Variants in CCDC7 observed in about 807,000 individuals in gnomAD.
CCDC7 encodes the protein coiled-coil domain-containing protein 7.
In CCDC7, 183 loss-of-function variants were observed where a neutral mutation model predicts 196.9. The ratio of observed to expected loss-of-function variants is 0.93; its 90% confidence interval spans 0.82 to 1.05. CCDC7 has a LOEUF of 1.05. Among genes scored for constraint, CCDC7 ranks in the 50% least tolerant of loss-of-function variants. The probability of loss-of-function intolerance (pLI) is 0.00; values close to 1 mark genes in which losing one functional copy is unlikely to be tolerated. For missense variants in CCDC7, 1,540 were observed against 1,482.2 expected, an observed-to-expected ratio of 1.04 and a Z score of -0.64; for synonymous variants, 525 against 484.6, an observed-to-expected ratio of 1.08 and a Z score of -1.10.
intron 20 of CCDC7, among the ~76,000 whole-genome samples, chr10:32,650,338 A>C (rs996701756): frequency 1.7e-4 from 26 of 152,216 alleles, no homozygotes; most frequent in African/African-American, 6.3e-4. Flanking sequence ...AGCAATGAGC[A>C]GTAGATAGGC....
At chr10:32,452,209 T>C (rs1301024754) in intron 1 of CCDC7, among the ~76,000 whole-genome samples, 1 of 152,202 alleles carries the variant, frequency 6.6e-6, no homozygotes, top group Non-Finnish European at 1.5e-5. Flanking sequence ...CTGGGATTTA[T>C]TGGGGGTTGT....
At chr10:32,781,546 CA>C (rs1290072210) in intron 29 of CCDC7, among the ~76,000 whole-genome samples, 1 of 152,036 alleles carries the variant, frequency 6.6e-6, no homozygotes, top group Non-Finnish European at 1.5e-5. Flanking sequence ...TTAACAACAA[CA>C]AAAAACCCCA....
At chr10:32,681,738 T>TACACACACACACACACACACAC (rs57829018) in intron 21 of CCDC7, among the ~76,000 whole-genome samples, 21 of 137,630 alleles carry the variant, frequency 1.5e-4, no homozygotes, top group African/African-American at 4.3e-4. Flanking sequence ...TTTATATGTA[T>TACACACACACACACACACACAC]ACACACACAC....
At chr10:32,765,267 A>G (rs2078099225) in intron 28 of CCDC7, among the ~76,000 whole-genome samples, 1 of 151,952 alleles carries the variant, frequency 6.6e-6, no homozygotes, top group South Asian at 2.1e-4. Context: ...AGGAAATAAT[A>G]AGATTTTTTA....
chr10:32,625,863 G>C (rs1480809082), intron 18 of CCDC7, among the ~76,000 whole-genome samples: 2 of 151,978 alleles, frequency 1.3e-5, no homozygotes, highest in Non-Finnish European at 2.9e-5. Context: ...TTAGCATAGT[G>C]TTCTACAGTT....
chr10:32,627,046 T>G (rs2064146911), intron 18 of CCDC7, among the ~76,000 whole-genome samples: 2 of 151,510 alleles, frequency 1.3e-5, no homozygotes, highest in African/African-American at 4.8e-5. Context: ...TTTTTTTTTT[T>G]TGTGGTTCCA....
intron 9 of CCDC7, 48 bp downstream of exon 10, chr10:32,492,045 AAGAC>A (rs768722290): frequency 2.0e-5 from 30 of 1,474,730 alleles, no homozygotes; most frequent in South Asian, 5.9e-5. Context: ...TTTTTAAAAA[AAGAC>A]AGATAAAATT....
At chr10:32,527,265 C>T (rs1425511664) in intron 11 of CCDC7, among the ~76,000 whole-genome samples, 4 of 152,276 alleles carry the variant, frequency 2.6e-5, no homozygotes, top group South Asian at 2.1e-4. Flanking sequence ...CTTTCTCCAC[C>T]CCACATGGCT....
chr10:32,642,089 C>T (rs889275500), intron 20 of CCDC7, among the ~76,000 whole-genome samples: 2 of 152,220 alleles, frequency 1.3e-5, no homozygotes, highest in African/African-American at 4.8e-5. Context: ...AGTTAGGCTA[C>T]TCGGGTCAGG....
rs539290194 is a variant in CCDC7, at chr10:32,818,099, T to C, written c.3181+3646T>C. On this transcript the variant is annotated intron_variant, in intron 31 of 41. Transcript: ENST00000639629. ...TGCTGTATTCAGGAAACCCATCTCA[T>C]GTGCAGAGACACACATAGGCTCAAA... Among the ~76,000 whole-genome samples the C allele has an allele frequency of 5.3e-5, 8 of 152,174 alleles. No homozygotes were observed. In the South Asian group the frequency reaches 6.2e-4, roughly 12 times the overall value.
In CCDC7 at chr10:32,720,431, G is replaced by C. The variant is rs553119452; in HGVS notation, c.2570-6303G>C. 2.0e-5 allele frequency among the ~76,000 whole-genome samples: 3 copies of C among 152,160 alleles called. No individual in the cohort carries two copies. In the East Asian group the frequency reaches 5.8e-4, roughly 29 times the overall value. ...ACACTGGGGCCTGTTGGGGGGTAGGGGGTCAAGGGGAGGGATAGCATTAGG... is the reference window on the plus strand; with the variant it reads ...ACACTGGGGCCTGTTGGGGGGTAGGCGGTCAAGGGGAGGGATAGCATTAGG... On this transcript the variant is annotated intron_variant, in intron 25 of 41. Transcript: ENST00000639629.
chr10:32,730,183 G>A (rs2083720718), intron 28 of CCDC7, among the ~76,000 whole-genome samples: 2 of 151,948 alleles, frequency 1.3e-5, no homozygotes, highest in Admixed American at 6.6e-5. Context: ...CACTGTGTAG[G>A]TTGTCCCCCA....
rs180737361 is a variant in CCDC7, at chr10:32,628,187, C to T, written c.1802-6067C>T. Among the ~76,000 whole-genome samples, 85 of 151,978 alleles carry T rather than the reference C, an allele frequency of 5.6e-4. 1 individual carries two copies. The highest frequency in any genetic ancestry group is 1.9e-3 in the African/African-American group (80 of 41,514). On this transcript the variant is annotated intron_variant, in intron 18 of 41. Coordinates refer to ENST00000639629, the Ensembl canonical transcript of CCDC7. ...AGAGTTTTTCTTACTGACTTAATCT[C>T]GTTACTAATTATTGGTCTGTTCAGA...
intron 16 of CCDC7, among the ~76,000 whole-genome samples, chr10:32,582,139 T>TAC (rs1564727722): frequency 1.7e-4 from 22 of 131,006 alleles, no homozygotes; most frequent in African/African-American, 6.2e-4. Flanking sequence ...TATATATATA[T>TAC]ACTTTTTTTT....
chr10:32,640,118 T>A (rs1242993367), intron 20 of CCDC7, among the ~76,000 whole-genome samples: 1 of 152,194 alleles, frequency 6.6e-6, no homozygotes, highest in African/African-American at 2.4e-5. Context: ...GTCTCGTCGA[T>A]CTGTCTAATG....
chr10:32,836,818 T>G (rs1380198613), intron 33 of CCDC7, among the ~76,000 whole-genome samples: 1 of 152,156 alleles, frequency 6.6e-6, no homozygotes, highest in Admixed American at 6.6e-5. Flanking sequence ...AAGCAGTTAT[T>G]ATAAATAGGT....
intron 21 of CCDC7, among the ~76,000 whole-genome samples, chr10:32,667,130 T>C (rs1165067594): frequency 2.6e-5 from 4 of 152,222 alleles, no homozygotes; most frequent in Non-Finnish European, 5.9e-5. Flanking sequence ...TGGCCAGTGA[T>C]GATGAGCATT....
intron 33 of CCDC7, among the ~76,000 whole-genome samples, chr10:32,837,105 A>G (rs2092664051): frequency 6.6e-6 from 1 of 152,224 alleles, no homozygotes; most frequent in Non-Finnish European, 1.5e-5. Context: ...GCTTCTGCAC[A>G]GCAAAAGAAA....
intron 18 of CCDC7, among the ~76,000 whole-genome samples, chr10:32,599,591 A>AT (rs533253788): frequency 3.1e-4 from 47 of 151,212 alleles, no homozygotes; most frequent in African/African-American, 1.1e-3. Context: ...ATGTTTTTAG[A>AT]TTTTTTGTGG....
Sources: gnomAD v4.1 joint callset for allele counts (sites outside exome capture counted in the v4.1 genomes callset) on GRCh38, gnomAD v4.1.1 for gene constraint, MANE v1.5 for transcripts, NCBI Gene and HGNC (gene_info 2026-07-23, HGNC 2026-07-21) for gene names.